Variants in CDH13 observed in about 807,000 individuals in gnomAD.
CDH13 encodes the protein cadherin-13.
Under a neutral mutation model 63.8 loss-of-function variants are expected in CDH13, and 24 were observed. That is an observed-to-expected ratio of 0.38 (90% confidence interval 0.27 to 0.53). CDH13 has a LOEUF of 0.53. CDH13 is among the 20% of genes least tolerant of loss of function. The pLI is 0.85. For missense variants in CDH13, 1,049 were observed against 903.1 expected, an observed-to-expected ratio of 1.16 and a Z score of -2.07; for synonymous variants, 503 against 355.3, an observed-to-expected ratio of 1.42 and a Z score of -4.67.
At chr16:83,009,604 C>G (rs556497354) in intron 2 of CDH13, among the ~76,000 whole-genome samples, 28 of 152,290 alleles carry the variant, frequency 1.8e-4, no homozygotes, top group African/African-American at 6.5e-4. Context: ...CAGGACCACT[C>G]TGACTCCAAA....
intron 10 of CDH13, among the ~76,000 whole-genome samples, chr16:83,726,737 C>CT (rs1222356836): frequency 6.6e-6 from 1 of 152,024 alleles, no homozygotes; most frequent in African/African-American, 2.4e-5. Flanking sequence ...ACTCGCGAGG[C>CT]TGAGGCAGGG....
At position 82,886,353 on chromosome 16, in the gene CDH13, T is replaced by C. The variant is rs1372359548; in HGVS notation, c.157+27880T>C. 2.6e-5 allele frequency among the ~76,000 whole-genome samples: 4 copies of C among 152,322 alleles called. No individual in the cohort carries two copies. The East Asian group carries it at 5.8e-4, about 22-fold the overall frequency. On this transcript the variant is annotated intron_variant, in intron 2 of 13. Transcript: ENST00000567109. ...AGTGCCTGGTGTTTGCATTTCCATA[T>C]GGTTTTGATGGCCAGGTTTTCTGCA...
intron 4 of CDH13, among the ~76,000 whole-genome samples, chr16:83,200,394 C>G (rs181249652): frequency 2.0e-4 from 30 of 152,210 alleles, no homozygotes; most frequent in Non-Finnish European, 3.5e-4. Flanking sequence ...ATACCCAAAA[C>G]TGTACCTCGT....
At chr16:83,053,938 G>A (rs1321705335) in intron 3 of CDH13, among the ~76,000 whole-genome samples, 1 of 152,168 alleles carries the variant, frequency 6.6e-6, no homozygotes, top group Non-Finnish European at 1.5e-5. Context: ...GTCAATGACG[G>A]ACCACATATG....
intron 5 of CDH13, among the ~76,000 whole-genome samples, chr16:83,260,070 T>C (rs900465894): frequency 2.0e-5 from 3 of 150,972 alleles, no homozygotes; most frequent in African/African-American, 7.3e-5. Flanking sequence ...ATAATAGTTT[T>C]TTTTTTTTGT....
At chr16:83,612,777 C>G (rs527333782) in intron 8 of CDH13, among the ~76,000 whole-genome samples, 22 of 152,132 alleles carry the variant, frequency 1.4e-4, no homozygotes, top group African/African-American at 2.9e-4. Context: ...ACTGGATAAT[C>G]CAAGGACTTT....
At chr16:83,707,835 G>GAAAAAAAAAAAAAAAAA (rs1907331718) in intron 10 of CDH13, among the ~76,000 whole-genome samples, 1 of 19,222 alleles carries the variant, frequency 5.2e-5, no homozygotes, top group African/African-American at 2.2e-4. Context: ...GACCCTAAAG[G>GAAAAAAAAAAAAAAAAA]CAAAAAAAAA....
At chr16:82,699,727 C>T (rs541872020) in intron 1 of CDH13, among the ~76,000 whole-genome samples, 1 of 152,316 alleles carries the variant, frequency 6.6e-6, no homozygotes, top group South Asian at 2.1e-4. Context: ...CCTTCTCCCA[C>T]CCACAATCCA....
At chr16:82,649,402 A>G (rs1266702950) in intron 1 of CDH13, among the ~76,000 whole-genome samples, 4 of 152,192 alleles carry the variant, frequency 2.6e-5, no homozygotes, top group Non-Finnish European at 5.9e-5. Context: ...ATAGTGGAAA[A>G]TAGGGCATTT....
At chr16:82,964,234 C>T (rs909055386) in intron 2 of CDH13, among the ~76,000 whole-genome samples, 2 of 152,190 alleles carry the variant, frequency 1.3e-5, no homozygotes, top group African/African-American at 4.8e-5. Context: ...GATGTAATTT[C>T]CTTGAAGTCC....
At chr16:83,549,229 G>T (rs879123487) in intron 7 of CDH13, among the ~76,000 whole-genome samples, 1 of 152,168 alleles carries the variant, frequency 6.6e-6, no homozygotes, top group African/African-American at 2.4e-5. Context: ...GAGAGCCCAC[G>T]GGAGCACCTG....
chr16:83,759,936 T>A (rs111522188), intron 11 of CDH13, among the ~76,000 whole-genome samples: 440 of 133,244 alleles, frequency 3.3e-3, no homozygotes, highest in Non-Finnish European at 3.8e-3. Flanking sequence ...TCAAAACCAA[T>A]AAAAAAAAAA....
At chr16:83,108,915 C>T (rs1052287418) in intron 3 of CDH13, among the ~76,000 whole-genome samples, 1 of 152,132 alleles carries the variant, frequency 6.6e-6, no homozygotes, top group Non-Finnish European at 1.5e-5. Context: ...CTGGAATTCT[C>T]CAGTGGGAAT....
intron 10 of CDH13, among the ~76,000 whole-genome samples, chr16:83,700,684 C>T (rs1045110081): frequency 4.6e-5 from 7 of 152,034 alleles, no homozygotes; most frequent in East Asian, 1.9e-4. Context: ...AATGCATGCT[C>T]GTCACAAAAA....
chr16:82,661,005 C>T (rs894870118), intron 1 of CDH13, among the ~76,000 whole-genome samples: 1 of 152,118 alleles, frequency 6.6e-6, no homozygotes, highest in African/African-American at 2.4e-5. Flanking sequence ...ACCTTCTCCC[C>T]TCCTGGGGAC....
intron 1 of CDH13, among the ~76,000 whole-genome samples, chr16:82,722,637 A>T (rs2032849526): frequency 6.6e-6 from 1 of 152,160 alleles, no homozygotes; most frequent in African/African-American, 2.4e-5. Context: ...CCACTAGGAC[A>T]CTGGTATGTG....
At chr16:83,663,142 T>C (rs1178952092) in intron 8 of CDH13, among the ~76,000 whole-genome samples, 1 of 152,200 alleles carries the variant, frequency 6.6e-6, no homozygotes, top group African/African-American at 2.4e-5. Flanking sequence ...AATCCCATTT[T>C]TCATGAATCA....
At chr16:82,627,236 T>C in intron 1 of CDH13, 99 bp downstream of exon 1, 1 of 1,040,490 alleles carries the variant, frequency 9.6e-7, no homozygotes, top group Non-Finnish European at 1.5e-6. Flanking sequence ...GGTCGGGGCC[T>C]CCGGTCGCGG....
chr16:82,826,495 A>T (rs1056233329), intron 1 of CDH13: 1 of 152,204 alleles, frequency 6.6e-6, no homozygotes, highest in African/African-American at 2.4e-5. Context: ...TCTGTACATG[A>T]TCAGAATCCT....
Sources: gnomAD v4.1 joint callset for allele counts (sites outside exome capture counted in the v4.1 genomes callset) on GRCh38, gnomAD v4.1.1 for gene constraint, MANE v1.5 for transcripts, NCBI Gene and HGNC (gene_info 2026-07-23, HGNC 2026-07-21) for gene names.